FAM228B: variants seen among roughly 807,000 people sequenced by gnomAD.
FAM228B encodes the protein protein FAM228B.
Under a neutral mutation model 42.6 loss-of-function variants are expected in FAM228B, and 38 were observed. The observed-to-expected ratio is 0.89, with a 90% CI of 0.69 to 1.17. The LOEUF is 1.17. FAM228B is among the 50% of genes most tolerant of loss of function. The pLI is 0.00. For missense variants in FAM228B, 344 were observed against 367.3 expected (o/e 0.94, Z 0.52); for synonymous variants, 109 against 122.3 (o/e 0.89, Z 0.72).
chr2:24,118,752 A>G (rs1666004813), upstream of FAM228B, among the ~76,000 whole-genome samples: 1 of 152,210 alleles, frequency 6.6e-6, no homozygotes, highest in Non-Finnish European at 1.5e-5. Flanking sequence ...GGCAGAAGCT[A>G]TATCTTAACC....
At chr2:24,158,215 CA>C (rs1667202968) in intron 7 of FAM228B, among the ~76,000 whole-genome samples, 1 of 9,172 alleles carries the variant, frequency 1.1e-4, no homozygotes, top group African/African-American at 5.5e-4. Context: ...TTTTTTTTTC[CA>C]AAACATTGTT....
chr2:24,138,174 C>T (rs1202543504), intron 4 of FAM228B, 74 bp downstream of exon 4: 2 of 1,178,064 alleles, frequency 1.7e-6, no homozygotes, highest in Non-Finnish European at 2.4e-6. Flanking sequence ...TATAATCATT[C>T]AGTCAGTCTG....
chr2:24,077,323 G>A lies in FAM228B; in HGVS notation c.-290+354G>A, dbSNP rs982004517. 2.8e-6 allele frequency: 1 copy of A among 357,698 alleles called. No homozygotes were observed. Among genetic ancestry groups the A allele is most frequent in the Non-Finnish European group, 5.1e-6 (1 of 194,536 alleles). The allele number at this position is 357,698 out of a possible 1,614,324, so 22.2% of individuals were successfully genotyped here. On this transcript the variant is annotated intron_variant, in intron 1 of 10. Coordinates refer to the FAM228B transcript ENST00000613899. This position sits in a 1 kb window ranked among gnomAD's most constrained non-coding sequence, Gnocchi z 5.5. ...ATACCCAGAATCTCCGTCCCTGGAG[G>A]GGCCCTCAGGTTGAGCGTCAGCTGA...
upstream of FAM228B, chr2:24,121,082 A>G (rs1186885035): frequency 1.3e-6 from 2 of 1,535,420 alleles, no homozygotes; most frequent in African/African-American, 2.7e-5. Flanking sequence ...TCTGTTTTAC[A>G]GAAAGGATCA....
chr2:24,092,218 C>CAAA (rs34189159), intron 2 of FAM228B, among the ~76,000 whole-genome samples: 33 of 29,930 alleles, frequency 1.1e-3, no homozygotes, highest in Non-Finnish European at 1.3e-3. Flanking sequence ...GACTCTGTCT[C>CAAA]AAAAAAAAAA....
chr2:24,137,529 G>T (rs866960644), intron 3 of FAM228B, among the ~76,000 whole-genome samples: 14 of 152,132 alleles, frequency 9.2e-5, no homozygotes, highest in African/African-American at 3.4e-4. Flanking sequence ...TTTTCACTCT[G>T]TTACCCAGGC....
intron 5 of FAM228B, among the ~76,000 whole-genome samples, chr2:24,141,501 C>T (rs1391257834): frequency 6.6e-6 from 1 of 152,168 alleles, no homozygotes; most frequent in Non-Finnish European, 1.5e-5. Context: ...GCCTCGACCT[C>T]CCAAAGTACT....
upstream of FAM228B, among the ~76,000 whole-genome samples, chr2:24,120,278 AAC>A (rs1361018219): frequency 9.2e-5 from 7 of 76,102 alleles, no homozygotes; most frequent in African/African-American, 2.3e-4. Flanking sequence ...CAAAAAAAAA[AAC>A]AACAACAAAA....
At chr2:24,109,171 CAA>C (rs70944716) in intron 3 of FAM228B, among the ~76,000 whole-genome samples, 13,857 of 95,942 alleles carry the variant, frequency 0.14, 796 homozygotes, top group South Asian at 0.22. Context: ...AGAGTAATGG[CAA>C]AAAAAAAAAA....
At chr2:24,109,484 A>T (rs1665754218) in intron 3 of FAM228B, among the ~76,000 whole-genome samples, 1 of 152,232 alleles carries the variant, frequency 6.6e-6, no homozygotes, top group Non-Finnish European at 1.5e-5. Context: ...ACAGCAAAAG[A>T]AACTATCAAC....
In FAM228B at chr2:24,077,501, C is replaced by A; in HGVS notation, c.-290+532C>A. On this transcript the variant is annotated intron_variant, in intron 1 of 10. Coordinates refer to the FAM228B transcript ENST00000613899. This position sits in a 1 kb window ranked among gnomAD's most constrained non-coding sequence, Gnocchi z 5.5. ...CTGGAGGAAGCACCGGGTTTCTTGG[C>A]CTGTCTATTGTGAATCTTCTCCAGG... The A allele has an allele frequency of 6.8e-7, 1 of 1,463,260 alleles. No homozygotes were observed. The allele number at this position is 1,463,260 out of a possible 1,614,324, so 90.6% of individuals were successfully genotyped here.
rs531086915 is a variant in FAM228B at position 24,169,553 on chromosome 2, A to C, written c.*212A>C. ...ATTTTTGAGTTCAGTGTCTGTGATA[A>C]TTAAGAAATGGCAATACCATGTATT... On this transcript the variant is annotated 3_prime_UTR_variant, in exon 11 of 11. Transcript: ENST00000615575. This position sits in a 1 kb window ranked among gnomAD's most constrained non-coding sequence, Gnocchi z 4.2. 1 of 285,054 alleles carries C rather than the reference A, an allele frequency of 3.5e-6. No individual in the cohort carries two copies. Among genetic ancestry groups the C allele is most frequent in the East Asian group, 7.7e-5 (1 of 13,008 alleles). 17.7% of individuals were successfully genotyped at this position (285,054 alleles called of 1,614,324 possible). A position where few individuals can be genotyped will look rare whatever the true frequency, so the allele number is the denominator to read the frequency against.
intron 2 of FAM228B, among the ~76,000 whole-genome samples, chr2:24,092,060 C>T (rs1037241196): frequency 4.0e-5 from 6 of 151,262 alleles, no homozygotes; most frequent in African/African-American, 1.5e-4. Flanking sequence ...AGCAAAACCC[C>T]ATCCCTACAA....
At chr2:24,088,138 A>G (rs1573728677) in intron 2 of FAM228B, among the ~76,000 whole-genome samples, 1 of 152,038 alleles carries the variant, frequency 6.6e-6, no homozygotes, top group African/African-American at 2.4e-5. Flanking sequence ...TAGGCCTCCA[A>G]AAGTGCTGGG....
chr2:24,084,364 GACA>G lies in FAM228B; in HGVS notation c.-210+3410_-210+3412del. The G allele has an allele frequency of 1.5e-6, 2 of 1,321,626 alleles. No individual in the cohort carries two copies. Among genetic ancestry groups the G allele is most frequent in the Non-Finnish European group, 2.1e-6 (2 of 969,402 alleles). The allele number at this position is 1,321,626 out of a possible 1,614,324, so 81.9% of individuals were successfully genotyped here. ...CACAGGGCAGGGCAGGGCAGGACAG[GACA>G]GGGCAGGGCAGGGCAGGACAGGACA... is the stretch of plus-strand genomic sequence containing the variant. On this transcript the variant is annotated intron_variant, in intron 2 of 10. Coordinates refer to the FAM228B transcript ENST00000613899. The surrounding 1 kb of genome is among the most constrained non-coding windows in gnomAD (Gnocchi z 8.4).
In FAM228B at chr2:24,137,963, A is replaced by C; in HGVS notation, c.223A>C (p.Met75Leu). 6.5e-7 allele frequency: 1 copy of C among 1,544,916 alleles called. No individual in the cohort carries two copies. Among genetic ancestry groups the C allele is most frequent in the Non-Finnish European group, 8.7e-7 (1 of 1,145,420 alleles). ...CTTCTTAAATGCAAGAAGAAAGGAG[A>C]TGTTATATAAAAGATGGGTTGACTG... ...HAFLNARRKE[M>L]LYKRWVDCVA... is the part of the protein sequence containing the mutation. The change falls in exon 4 of 11, where the codon ATG becomes CTG. Residue 75 changes from methionine to leucine, a missense_variant. Coordinates refer to ENST00000615575, the MANE Select transcript of FAM228B (RefSeq NM_001145710.2).
chr2:24,128,574 G>C (rs1030834416), intron 2 of FAM228B, among the ~76,000 whole-genome samples: 1 of 151,780 alleles, frequency 6.6e-6, no homozygotes, highest in East Asian at 1.9e-4. Context: ...CTATTTCTTT[G>C]TATACCTGGT....
intron 5 of FAM228B, among the ~76,000 whole-genome samples, chr2:24,140,908 GC>G (rs200593330): frequency 0.029 from 4,367 of 151,318 alleles, 80 homozygotes; most frequent in African/African-American, 0.054. Context: ...GCAGCAGTAA[GC>G]CAAGATTGAG....
chr2:24,110,367 T>C (rs1004413663), intron 3 of FAM228B, among the ~76,000 whole-genome samples: 1 of 152,056 alleles, frequency 6.6e-6, no homozygotes, highest in African/African-American at 2.4e-5. Flanking sequence ...ACTAGATAGC[T>C]TCAGGGCAGG....
Sources: allele counts gnomAD v4.1 joint callset (sites outside exome capture counted in the v4.1 genomes callset), GRCh38; gene constraint gnomAD v4.1.1; non-coding constraint Gnocchi (gnomAD v3.1); transcripts MANE v1.5; gene names NCBI Gene and HGNC (gene_info 2026-07-23, HGNC 2026-07-21).